The following PDE4B variants were observed in gnomAD, a reference collection of about 807,000 sequenced individuals.
PDE4B encodes the protein phosphodiesterase 4B.
A neutral mutation model predicts 82.2 loss-of-function variants in PDE4B; 20 were observed. The observed-to-expected ratio is 0.24, with a 90% CI of 0.17 to 0.35. The LOEUF is 0.35. Among genes scored for constraint, PDE4B ranks in the 10% least tolerant of loss-of-function variants. PDE4B has a pLI of 1.00. For synonymous variants in PDE4B, 320 were observed against 318.9 expected (o/e 1.00, Z -0.04); for missense variants, 655 against 907.2 (o/e 0.72, Z 3.57).
chr1:65,841,037 C>T (rs371223111), intron 1 of PDE4B, among the ~76,000 whole-genome samples: 7 of 152,206 alleles, frequency 4.6e-5, no homozygotes, highest in East Asian at 1.9e-4. Flanking sequence ...TTGTTTACAC[C>T]GGTAATCCCA....
chr1:65,823,944 A>G (rs533206728), intron 1 of PDE4B, among the ~76,000 whole-genome samples: 2 of 152,318 alleles, frequency 1.3e-5, no homozygotes, highest in African/African-American at 2.4e-5. Context: ...AACTATTGCA[A>G]CATGTAATTG....
chr1:66,119,386 TG>T (rs1645662558), intron 3 of PDE4B, among the ~76,000 whole-genome samples: 1 of 152,212 alleles, frequency 6.6e-6, no homozygotes, highest in Non-Finnish European at 1.5e-5. Context: ...ACCATTATTA[TG>T]GAGTAGAACA....
At chr1:65,987,079 A>T (rs1329552936) in intron 3 of PDE4B, among the ~76,000 whole-genome samples, 2 of 151,958 alleles carry the variant, frequency 1.3e-5, no homozygotes, top group Admixed American at 6.6e-5. Context: ...AGATGGGGAA[A>T]CCTCATGTAG....
chr1:66,221,408 T>G (rs996926880), intron 3 of PDE4B, among the ~76,000 whole-genome samples: 2 of 152,174 alleles, frequency 1.3e-5, no homozygotes, highest in Non-Finnish European at 2.9e-5. Context: ...CATAGAGAGA[T>G]ATTGTTAAAA....
At chr1:65,878,002 T>C (rs1646665842) in intron 1 of PDE4B, among the ~76,000 whole-genome samples, 1 of 151,298 alleles carries the variant, frequency 6.6e-6, no homozygotes, top group Non-Finnish European at 1.5e-5. Context: ...AAAGGTCCAA[T>C]ATCCAGAATC....
chr1:66,332,082 G>C, intron 7 of PDE4B: 1 of 1,135,778 alleles, frequency 8.8e-7, no homozygotes, highest in Non-Finnish European at 1.1e-6. Context: ...ATTTCTCCTT[G>C]AGATGGCAAA....
intron 7 of PDE4B, among the ~76,000 whole-genome samples, chr1:66,304,365 T>C (rs1389697116): frequency 6.6e-6 from 1 of 152,130 alleles, no homozygotes; most frequent in Non-Finnish European, 1.5e-5. Context: ...CATCACGGTT[T>C]TCTGACCCTG....
intron 3 of PDE4B, among the ~76,000 whole-genome samples, chr1:66,068,765 G>A (rs1466078846): frequency 6.6e-6 from 1 of 151,912 alleles, no homozygotes; most frequent in Admixed American, 6.6e-5. Context: ...AGAGTAATCT[G>A]GGATCATGGA....
chr1:66,147,673 A>T (rs983679901), intron 3 of PDE4B, among the ~76,000 whole-genome samples: 2 of 152,188 alleles, frequency 1.3e-5, no homozygotes, highest in African/African-American at 4.8e-5. Flanking sequence ...CAAATTATAG[A>T]TGGCAGTAAT....
At chr1:66,228,493 G>A (rs1355556276) in intron 3 of PDE4B, among the ~76,000 whole-genome samples, 1 of 152,036 alleles carries the variant, frequency 6.6e-6, no homozygotes, top group East Asian at 1.9e-4. Context: ...ACATGGTGGT[G>A]GGCGCCTGTA....
intron 1 of PDE4B, among the ~76,000 whole-genome samples, chr1:65,910,934 CTT>C (rs371606736): frequency 1.3e-5 from 2 of 151,258 alleles, no homozygotes; most frequent in African/African-American, 4.8e-5. Context: ...ATATTTCTTG[CTT>C]TTTTTTTGTC....
intron 3 of PDE4B, among the ~76,000 whole-genome samples, chr1:66,018,831 A>G (rs1404989364): frequency 6.6e-6 from 1 of 152,212 alleles, no homozygotes; most frequent in Non-Finnish European, 1.5e-5. Context: ...GTGTTAAGGC[A>G]GATAATACGT....
intron 3 of PDE4B, among the ~76,000 whole-genome samples, chr1:66,008,362 T>C (rs1005858646): frequency 2.0e-5 from 3 of 152,138 alleles, no homozygotes; most frequent in African/African-American, 4.8e-5. Flanking sequence ...ACCTGCTTGA[T>C]TGTGCCCATT....
intron 3 of PDE4B, among the ~76,000 whole-genome samples, chr1:65,972,826 G>A (rs1650214783): frequency 1.3e-5 from 2 of 152,078 alleles, no homozygotes; most frequent in Admixed American, 1.3e-4. Flanking sequence ...AAAGAGAGGA[G>A]AAAATATACT....
chr1:66,248,455 A>C (rs1447672016), intron 4 of PDE4B, among the ~76,000 whole-genome samples: 2 of 152,220 alleles, frequency 1.3e-5, no homozygotes, highest in Non-Finnish European at 2.9e-5. Context: ...TGCTATTGGA[A>C]GGGAAGTCAA....
chr1:66,333,736 C>T (rs976925288), intron 8 of PDE4B, among the ~76,000 whole-genome samples: 6 of 152,060 alleles, frequency 3.9e-5, no homozygotes, highest in South Asian at 2.1e-4. Flanking sequence ...AGAGGATCTG[C>T]GCAGAGGAAG....
At chr1:65,855,866 C>A (rs1399969654) in intron 1 of PDE4B, among the ~76,000 whole-genome samples, 1 of 152,044 alleles carries the variant, frequency 6.6e-6, no homozygotes, top group African/African-American at 2.4e-5. Context: ...AAAGCCAGGG[C>A]AAACATAAGG....
At chr1:66,292,587 C>T (rs1336751244) in intron 7 of PDE4B, among the ~76,000 whole-genome samples, 1 of 152,038 alleles carries the variant, frequency 6.6e-6, no homozygotes, top group Admixed American at 6.6e-5. Context: ...TATATGCCTG[C>T]CAAGTAGTAG....
chr1:65,834,244 A>C (rs966019418), intron 1 of PDE4B, among the ~76,000 whole-genome samples: 3 of 152,106 alleles, frequency 2.0e-5, no homozygotes, highest in Non-Finnish European at 4.4e-5. Flanking sequence ...GGGTTTTGCC[A>C]TGTTGGCCAG....
Sources: gnomAD v4.1 joint callset for allele counts (sites outside exome capture counted in the v4.1 genomes callset) on GRCh38, gnomAD v4.1.1 for gene constraint, MANE v1.5 for transcripts, NCBI Gene and HGNC (gene_info 2026-07-23, HGNC 2026-07-21) for gene names.